The following EHF variants were observed in gnomAD, a reference collection of about 807,000 sequenced individuals.
EHF encodes the protein ESE3 transcription factor.
Under a neutral mutation model 45.1 loss-of-function variants are expected in EHF, and 14 were observed. The ratio of observed to expected loss-of-function variants is 0.31; its 90% CI spans 0.21 to 0.49. The LOEUF (loss-of-function observed/expected upper bound fraction) is 0.49. Among genes scored for constraint, EHF ranks in the 20% least tolerant of loss-of-function variants. The probability of loss-of-function intolerance (pLI) is 0.99; values close to 1 mark genes in which losing one functional copy is unlikely to be tolerated. For synonymous variants in EHF, 136 were observed against 131.8 expected (o/e 1.03, Z -0.22); for missense variants, 282 against 371.4 (o/e 0.76, Z 1.98).
chr11:34,661,112 A>G lies in EHF; in HGVS notation c.*2181A>G, dbSNP rs117181673. On this transcript the variant is annotated 3_prime_UTR_variant, in exon 9 of 9. Transcript: ENST00000257831. ...TGCAACTCAGACATTCCTGCAGAAA[A>G]GACATATGTTGCTTTACAAGAAGGC... The G allele has an allele frequency of 7.2e-5, 11 of 152,308 alleles. 1 individual carries two copies. The East Asian group carries it at 1.9e-3, about 27-fold the overall frequency. 9.4% of individuals were successfully genotyped at this position (152,308 alleles called of 1,614,324 possible).
intron 6 of EHF, among the ~76,000 whole-genome samples, chr11:34,655,906 C>T (rs1855624412): frequency 6.6e-6 from 1 of 152,090 alleles, no homozygotes; most frequent in South Asian, 2.1e-4. Context: ...TCAGTGGACC[C>T]TAGTTTAGGA....
In EHF at chr11:34,622,257, G is replaced by T. The variant is rs147874547; in HGVS notation, c.-4+1029G>T. 7 of 289,860 alleles carry T rather than the reference G, an allele frequency of 2.4e-5. No homozygotes were observed. The East Asian group carries it at 8.4e-4, about 35-fold the overall frequency. The allele number at this position is 289,860 out of a possible 1,614,324, so 18.0% of individuals were successfully genotyped here. A position where few individuals can be genotyped will look rare whatever the true frequency, so the allele number is the denominator to read the frequency against. ...CATGCTCCCAGGATGGTGGGAGTGT[G>T]TGTTTTTAAGATGGAGAGTGTATGC... On this transcript the variant is annotated intron_variant, in intron 1 of 8. Transcript: ENST00000257831.
chr11:34,635,008 G>A (rs1853251485), intron 1 of EHF, among the ~76,000 whole-genome samples: 1 of 152,138 alleles, frequency 6.6e-6, no homozygotes, highest in African/African-American at 2.4e-5. Context: ...ACTCCTCTGT[G>A]CCTCAGAGAG....
At chr11:34,648,505 C>T (rs1427803083) in intron 3 of EHF, among the ~76,000 whole-genome samples, 2 of 152,158 alleles carry the variant, frequency 1.3e-5, no homozygotes, top group African/African-American at 2.4e-5. Context: ...ACATATCTCA[C>T]AGATTGGATG....
intron 3 of EHF, among the ~76,000 whole-genome samples, 193 bp from the exon 4 acceptor site, chr11:34,648,826 A>G (rs1028268871): frequency 3.3e-5 from 5 of 152,078 alleles, no homozygotes; most frequent in South Asian, 4.1e-4. Context: ...TAGATTCCCA[A>G]TTTTCTGGGG....
rs530207115 is a variant in EHF at position 34,630,105 on chromosome 11, G to T, written c.-4+8877G>T. ...TCAATATGTCTCCTGTTTATATTTGGTGGAAAAAGTTGTGGGAATCGTGCT... is the reference window on the plus strand; with the variant it reads ...TCAATATGTCTCCTGTTTATATTTGTTGGAAAAAGTTGTGGGAATCGTGCT... On this transcript the variant is annotated intron_variant, in intron 1 of 8. Transcript: ENST00000257831. Among the ~76,000 whole-genome samples, 98 of 152,236 alleles carry T rather than the reference G, an allele frequency of 6.4e-4. 1 individual carries two copies. The South Asian group carries it at 0.011, about 17-fold the overall frequency.
At chr11:34,631,745 C>G (rs188072831) in intron 1 of EHF, 1 of 180,314 alleles carries the variant, frequency 5.5e-6, no homozygotes, top group Admixed American at 6.5e-5. Context: ...AGAGGCTTGA[C>G]TGAGATCTGG....
In EHF at chr11:34,660,513, A is replaced by G. The variant is rs1292057103; in HGVS notation, c.*1582A>G. The G allele has an allele frequency of 6.6e-6, 1 of 152,168 alleles. No individual in the cohort carries two copies. Among genetic ancestry groups the G allele is most frequent in the East Asian group, 1.9e-4 (1 of 5,196 alleles). 9.4% of individuals were successfully genotyped at this position (152,168 alleles called of 1,614,324 possible). ...AAACAGAAAACTCAGCTCAGGCACA[A>G]TTGTCACCAAGGAGTTAAAAGCTTC... On this transcript the variant is annotated 3_prime_UTR_variant, in exon 9 of 9. Coordinates refer to ENST00000257831, the MANE Select transcript of EHF (RefSeq NM_012153.6).
At chr11:34,649,495 A>C (rs191007484) in intron 4 of EHF, among the ~76,000 whole-genome samples, 5 of 152,134 alleles carry the variant, frequency 3.3e-5, no homozygotes, top group Admixed American at 3.3e-4. Context: ...GTGTTTCACA[A>C]AAAGGGTGAA....
chr11:34,634,999 C>T (rs1209939238), intron 1 of EHF, among the ~76,000 whole-genome samples: 1 of 152,188 alleles, frequency 6.6e-6, no homozygotes, highest in Non-Finnish European at 1.5e-5. Context: ...AGTCACCTAA[C>T]TCCTCTGTGC....
chr11:34,637,705 C>T (rs778069126), intron 1 of EHF, among the ~76,000 whole-genome samples: 4 of 152,106 alleles, frequency 2.6e-5, no homozygotes, highest in East Asian at 1.9e-4. Context: ...ATAAAGAGTA[C>T]GATTCTGCCC....
At chr11:34,646,236 C>T (rs1353458362) in intron 2 of EHF, among the ~76,000 whole-genome samples, 1 of 152,092 alleles carries the variant, frequency 6.6e-6, no homozygotes, top group African/African-American at 2.4e-5. Context: ...CTTCAGCTCT[C>T]TTGTCCTCAT....
intron 3 of EHF, 188 bp downstream of exon 3, chr11:34,646,872 T>A: frequency 2.9e-6 from 2 of 683,298 alleles, no homozygotes. Context: ...GTACCTGGTG[T>A]GCCTAATCCC....
intron 1 of EHF, among the ~76,000 whole-genome samples, chr11:34,637,139 G>C (rs893197603): frequency 5.9e-5 from 9 of 151,424 alleles, no homozygotes; most frequent in African/African-American, 2.2e-4. Flanking sequence ...TTCAGTCTCT[G>C]TGGCTAGGCT....
At chr11:34,630,943 G>A (rs1417297200) in intron 1 of EHF, among the ~76,000 whole-genome samples, 1 of 152,164 alleles carries the variant, frequency 6.6e-6, no homozygotes, top group Non-Finnish European at 1.5e-5. Context: ...GAGAACACTG[G>A]GGCAAGGTGT....
At chr11:34,634,822 T>C (rs1437877766) in intron 1 of EHF, among the ~76,000 whole-genome samples, 1 of 152,146 alleles carries the variant, frequency 6.6e-6, no homozygotes, top group Non-Finnish European at 1.5e-5. Flanking sequence ...ACAGGGAGAA[T>C]GCTGTGACCA....
chr11:34,624,342 T>C (rs1852188100), intron 1 of EHF: 1 of 985,204 alleles, frequency 1.0e-6, no homozygotes. Context: ...CGGCGGGGAT[T>C]GCCATCTGAA....
In EHF at chr11:34,662,214, G is replaced by A. The variant is rs994764463; in HGVS notation, c.*3283G>A. Reference sequence around the variant, plus strand: ...TGAATGTCTTCTAAAAGACTCCTCTGATTGGGAGACCATATCTATAATTGG... The same window carrying A: ...TGAATGTCTTCTAAAAGACTCCTCTAATTGGGAGACCATATCTATAATTGG... On this transcript the variant is annotated 3_prime_UTR_variant, in exon 9 of 9. Transcript: ENST00000257831. 6.6e-6 allele frequency among the ~76,000 whole-genome samples: 1 copy of A among 152,126 alleles called. No homozygotes were observed. The highest frequency in any genetic ancestry group is 2.4e-5 in the African/African-American group (1 of 41,434).
chr11:34,621,439 T>C (rs1318880812), intron 1 of EHF, among the ~76,000 whole-genome samples: 4 of 148,546 alleles, frequency 2.7e-5, no homozygotes, highest in Non-Finnish European at 1.5e-5. Context: ...ATATTATCTG[T>C]GAATTTCCTG....
Sources: allele counts gnomAD v4.1 joint callset (sites outside exome capture counted in the v4.1 genomes callset), GRCh38; gene constraint gnomAD v4.1.1; transcripts MANE v1.5; gene names NCBI Gene and HGNC (gene_info 2026-07-23, HGNC 2026-07-21).